DLG2: variants seen among roughly 807,000 people sequenced by gnomAD.
The protein encoded by DLG2 is disks large homolog 2.
In DLG2, 45 loss-of-function variants were observed where a neutral mutation model predicts 132.5. That is an observed-to-expected ratio of 0.34 (90% CI 0.27 to 0.44). The LOEUF is 0.44. DLG2 is among the 20% of genes least tolerant of loss of function. The pLI is 1.00. For missense variants in DLG2, 1,045 were observed against 1,196.9 expected (o/e 0.87, Z 1.87); for synonymous variants, 424 against 419.6 (o/e 1.01, Z -0.13).
chr11:84,778,252 T>C (rs1215056230), intron 6 of DLG2, among the ~76,000 whole-genome samples: 1 of 152,158 alleles, frequency 6.6e-6, no homozygotes, highest in Non-Finnish European at 1.5e-5. Context: ...CTATCAAAGA[T>C]CAGTTGGTTG....
At chr11:84,472,510 G>T (rs954676892) in intron 7 of DLG2, among the ~76,000 whole-genome samples, 1 of 151,656 alleles carries the variant, frequency 6.6e-6, no homozygotes, top group African/African-American at 2.4e-5. Flanking sequence ...GCCAAAACAG[G>T]GTAATTTTTG....
Position 84,502,244 on chromosome 11 carries a change from TTCCTTCCTTCCTTCCTTCCTTCCTTC to T in DLG2, c.519+32300_519+32325del, listed in dbSNP as rs1567804327. Among the ~76,000 whole-genome samples the T allele has an allele frequency of 2.8e-3, 111 of 39,784 alleles. 17 individuals carry two copies. The highest frequency in any genetic ancestry group is 5.5e-3 in the African/African-American group (15 of 2,746). 26.1% of individuals were successfully genotyped at this position (39,784 alleles called of 152,430 possible). A position where few individuals can be genotyped will look rare whatever the true frequency, so the allele number is the denominator to read the frequency against. On this transcript the variant is annotated intron_variant, in intron 7 of 27. Transcript: ENST00000376104. Reference sequence around the variant, plus strand: ...CTTCCTTCCTTCCTTCCTTCCTTCCTTCCTTCCTTCCTTCCTTCCTTCCTTCCTTCCTTCCTTCTTTCTTTCTTTCT... The same window carrying T: ...CTTCCTTCCTTCCTTCCTTCCTTCCTCTTCCTTCCTTCTTTCTTTCTTTCT...
chr11:83,885,689 A>G (rs1329463385), intron 15 of DLG2, among the ~76,000 whole-genome samples: 3 of 152,222 alleles, frequency 2.0e-5, no homozygotes, highest in Admixed American at 6.5e-5. Context: ...TGTTAAGGGC[A>G]GCCAGAGAGA....
chr11:85,395,610 G>A (rs769483642), intron 3 of DLG2, among the ~76,000 whole-genome samples: 23 of 152,200 alleles, frequency 1.5e-4, no homozygotes, highest in Non-Finnish European at 2.6e-4. Flanking sequence ...ACCCTCCCAT[G>A]CCTGACTCAG....
intron 4 of DLG2, among the ~76,000 whole-genome samples, chr11:85,225,849 C>G (rs1283422307): frequency 2.0e-5 from 3 of 152,080 alleles, no homozygotes; most frequent in Admixed American, 1.3e-4. Context: ...AGCTCCCAAA[C>G]CATATTCCTA....
chr11:85,563,780 T>C (rs913922215), intron 3 of DLG2, among the ~76,000 whole-genome samples: 7 of 152,120 alleles, frequency 4.6e-5, no homozygotes, highest in Admixed American at 1.3e-4. Flanking sequence ...CTATAAACAT[T>C]CTTATACAAT....
At chr11:84,835,220 T>C (rs1352875830) in intron 6 of DLG2, among the ~76,000 whole-genome samples, 2 of 151,670 alleles carry the variant, frequency 1.3e-5, no homozygotes, top group African/African-American at 2.4e-5. Context: ...GATACTTTTG[T>C]TTTGAAAATT....
intron 7 of DLG2, among the ~76,000 whole-genome samples, chr11:84,431,986 T>A (rs2098986189): frequency 6.6e-6 from 1 of 152,152 alleles, no homozygotes; most frequent in Non-Finnish European, 1.5e-5. Flanking sequence ...CAACTATGTG[T>A]CAAGCATTCT....
chr11:83,912,075 G>C (rs1042759936), intron 15 of DLG2, among the ~76,000 whole-genome samples: 2 of 151,450 alleles, frequency 1.3e-5, no homozygotes, highest in African/African-American at 4.9e-5. Context: ...ACTTGCTGAG[G>C]GGCTATCAGC....
intron 11 of DLG2, among the ~76,000 whole-genome samples, chr11:83,989,501 T>C (rs2093579033): frequency 1.3e-5 from 2 of 152,118 alleles, no homozygotes; most frequent in South Asian, 4.1e-4. Flanking sequence ...GCTACCAGCA[T>C]TATGTGAGGG....
chr11:83,567,997 C>T (rs771667253), intron 19 of DLG2, among the ~76,000 whole-genome samples: 11 of 152,168 alleles, frequency 7.2e-5, no homozygotes, highest in East Asian at 1.9e-4. Flanking sequence ...GTAAATAAGG[C>T]GTATGATCTT....
At chr11:84,087,208 T>C (rs1418308665) in intron 10 of DLG2, among the ~76,000 whole-genome samples, 3 of 152,166 alleles carry the variant, frequency 2.0e-5, no homozygotes, top group Admixed American at 6.5e-5. Flanking sequence ...AATTCTATTT[T>C]TAGCTGTTAG....
At chr11:84,368,612 G>A (rs2098693652) in intron 7 of DLG2, among the ~76,000 whole-genome samples, 1 of 152,058 alleles carries the variant, frequency 6.6e-6, no homozygotes, top group Admixed American at 6.6e-5. Context: ...GGCTTTAGAT[G>A]CATCCTGGTT....
intron 7 of DLG2, among the ~76,000 whole-genome samples, chr11:84,413,829 AT>A (rs886302481): frequency 4.6e-5 from 7 of 151,826 alleles, no homozygotes; most frequent in African/African-American, 9.7e-5. Context: ...GGTAATGCAG[AT>A]TTTTTTTTCT....
chr11:83,636,647 T>C (rs142144228), intron 18 of DLG2, among the ~76,000 whole-genome samples: 1 of 152,322 alleles, frequency 6.6e-6, no homozygotes, highest in African/African-American at 2.4e-5. Flanking sequence ...TTCATCTATA[T>C]ACAATCAACA....
In DLG2 at chr11:83,514,338, G is replaced by A. The variant is rs1428307479; in HGVS notation, c.2193+18370C>T. On this transcript the variant is annotated intron_variant, in intron 21 of 27. Coordinates refer to ENST00000376104, the MANE Select transcript of DLG2 (RefSeq NM_001142699.3). ...TGATTTGGCTCTCTGTTTGTCTGTT[G>A]TTGGTGTATAAGAATGCTTGTGATT... is the stretch of plus-strand genomic sequence containing the variant. Among the ~76,000 whole-genome samples, 1,055 of 151,990 alleles carry A rather than the reference G, an allele frequency of 6.9e-3. 18 individuals are homozygous for A. The highest frequency in any genetic ancestry group is 0.025 in the African/African-American group (1,020 of 41,462).
At chr11:85,545,898 T>C (rs1433377176) in intron 3 of DLG2, among the ~76,000 whole-genome samples, 5 of 152,198 alleles carry the variant, frequency 3.3e-5, no homozygotes, top group African/African-American at 1.2e-4. Flanking sequence ...TTTATTAGTC[T>C]GGCTAGCAGT....
chr11:84,404,629 T>C (rs1567544856), intron 7 of DLG2, among the ~76,000 whole-genome samples: 2 of 152,156 alleles, frequency 1.3e-5, no homozygotes, highest in East Asian at 1.9e-4. Flanking sequence ...TACAGGATGA[T>C]TGAAAGTTTT....
intron 17 of DLG2, among the ~76,000 whole-genome samples, chr11:83,827,672 G>C (rs2053272816): frequency 6.6e-6 from 1 of 152,000 alleles, no homozygotes; most frequent in African/African-American, 2.4e-5. Context: ...AACTAAAATT[G>C]CTTGGAGAGA....
Sources: allele counts gnomAD v4.1 joint callset (sites outside exome capture counted in the v4.1 genomes callset), GRCh38; gene constraint gnomAD v4.1.1; transcripts MANE v1.5; gene names NCBI Gene and HGNC (gene_info 2026-07-23, HGNC 2026-07-21).